The following ATP1A4 variants were observed in gnomAD, a reference collection of about 807,000 sequenced individuals.
ATP1A4 encodes ATPase Na+/K+ transporting subunit alpha 4.
A neutral mutation model predicts 114.3 loss-of-function variants in ATP1A4; 90 were observed. The ratio of observed to expected loss-of-function variants is 0.79; its 90% CI spans 0.66 to 0.94. The LOEUF (loss-of-function observed/expected upper bound fraction) is 0.94. Ranked by LOEUF, ATP1A4 falls within the 40% of genes least tolerant of loss-of-function variation. The probability of loss-of-function intolerance (pLI) is 0.00; values close to 1 mark genes in which losing one functional copy is unlikely to be tolerated. For synonymous variants in ATP1A4, 511 were observed against 494.1 expected (o/e 1.03, Z -0.45); for missense variants, 1,222 against 1,313.6 (o/e 0.93, Z 1.08).
At chr1:160,180,169 C>G (rs1466274677) in intron 18 of ATP1A4, among the ~76,000 whole-genome samples, 1 of 152,122 alleles carries the variant, frequency 6.6e-6, no homozygotes, top group Non-Finnish European at 1.5e-5. Context: ...TAGGGAGTGA[C>G]GCGGGTAACG....
chr1:160,178,570 G>A (rs112994245), intron 18 of ATP1A4, among the ~76,000 whole-genome samples: 8,577 of 152,018 alleles, frequency 0.056, 304 homozygotes, highest in South Asian at 0.14. Flanking sequence ...AGCTACTCAG[G>A]AGGCTGAGGC....
intron 21 of ATP1A4, 128 bp from the exon 22 acceptor site, chr1:160,186,543 C>A (rs2101664564): frequency 8.5e-7 from 1 of 1,178,406 alleles, no homozygotes; most frequent in Non-Finnish European, 1.2e-6. Context: ...TCTGCTCCAT[C>A]TGACCCTCAG....
chr1:160,168,137 G>C (rs1653108584), intron 10 of ATP1A4, among the ~76,000 whole-genome samples: 1 of 152,194 alleles, frequency 6.6e-6, no homozygotes, highest in African/African-American at 2.4e-5. Context: ...ACAGGAAAGA[G>C]TCTTTCTCTC....
At chr1:160,185,347 G>A (rs960117547) in intron 20 of ATP1A4, among the ~76,000 whole-genome samples, 2 of 151,804 alleles carry the variant, frequency 1.3e-5, no homozygotes, top group African/African-American at 2.4e-5. Flanking sequence ...TCCTGACCTC[G>A]TGATCCATCT....
chr1:160,185,660 C>G (rs965752123), intron 20 of ATP1A4, among the ~76,000 whole-genome samples: 1 of 151,822 alleles, frequency 6.6e-6, no homozygotes, highest in Admixed American at 6.6e-5. Flanking sequence ...GTGGCTCACA[C>G]TTATAATCCC....
At position 160,174,113 on chromosome 1, in the gene ATP1A4, C is replaced by T; in HGVS notation, c.1994C>T (p.Ala665Val). 1 of 1,613,244 alleles carries T rather than the reference C, an allele frequency of 6.2e-7. No homozygotes were observed. The highest frequency in any genetic ancestry group is 8.5e-7 in the Non-Finnish European group (1 of 1,179,670). ...CTTTTGAAATTATTTTCCCTCAGTG[C>T]TGCCAAAGCCATTGTGGTGCATGGT... ...KIPISKVDASAAKAIVVHGAE... is the reference protein window; with the variant it reads ...KIPISKVDASVAKAIVVHGAE... Residue 665 changes from alanine to valine, a missense_variant and splice_region_variant, in exon 14 of 22, where the codon GCT (alanine) becomes GTT (valine). Ala to Val is a moderately conservative substitution (Grantham distance 64). Coordinates refer to ENST00000368081, the MANE Select transcript of ATP1A4 (RefSeq NM_144699.4).
intron 6 of ATP1A4, among the ~76,000 whole-genome samples, chr1:160,163,169 C>G (rs1282771317): frequency 2.0e-5 from 3 of 151,630 alleles, no homozygotes; most frequent in African/African-American, 4.9e-5. Context: ...AAACAAGAAA[C>G]AGCTTTTTTT....
chr1:160,167,445 T>G (rs558629178), intron 10 of ATP1A4, 33 bp downstream of exon 10: 4 of 1,607,908 alleles, frequency 2.5e-6, no homozygotes, highest in East Asian at 4.5e-5. Context: ...AGAATGGTGG[T>G]GGGGGGATGG....
In ATP1A4 at chr1:160,159,050, G is replaced by C; in HGVS notation, c.574G>C (p.Glu192Gln). 6.2e-7 allele frequency: 1 copy of C among 1,614,120 alleles called. No individual in the cohort carries two copies. Among genetic ancestry groups the C allele is most frequent in the Non-Finnish European group, 8.5e-7 (1 of 1,179,986 alleles). Residue 192 changes from glutamate (E) to glutamine (Q), a missense_variant, in exon 5 of 22, where the codon GAG becomes CAG. Glu to Gln is a conservative substitution (Grantham distance 29). Coordinates refer to ENST00000368081, the MANE Select transcript of ATP1A4 (RefSeq NM_144699.4). ...GGEKMQINVQ[E>Q]VVLGDLVEIK... ...AGAGAAGATGCAAATTAATGTACAA[G>C]AGGTGGTGTTGGGAGACCTGGTGGA...
intron 20 of ATP1A4, among the ~76,000 whole-genome samples, 190 bp from the exon 21 acceptor site, chr1:160,186,086 C>CAAAAAAAAAAAGA: frequency 3.0e-5 from 1 of 32,790 alleles, no homozygotes; most frequent in Non-Finnish European, 5.1e-5. Flanking sequence ...GACTCTGTCG[C>CAAAAAAAAAAAGA]AAAAAAAAAA....
intron 17 of ATP1A4, chr1:160,177,265 A>G (rs1653502249): frequency 4.7e-6 from 2 of 424,822 alleles, no homozygotes; most frequent in Non-Finnish European, 8.3e-6. Flanking sequence ...AGTCCTTTTT[A>G]GTTTTAAGAC....
intron 10 of ATP1A4, 22 bp from the exon 11 acceptor site, chr1:160,171,229 G>A: frequency 3.1e-6 from 5 of 1,601,888 alleles, no homozygotes; most frequent in Non-Finnish European, 4.3e-6. Context: ...TGTCCCATCA[G>A]TGCTCCCTTT....
At chr1:160,165,142 TTGA>T (rs1652983850) in intron 7 of ATP1A4, among the ~76,000 whole-genome samples, 1 of 152,336 alleles carries the variant, frequency 6.6e-6, no homozygotes, top group African/African-American at 2.4e-5. Flanking sequence ...GCCACCTGTC[TTGA>T]TGATCACCTG....
intron 6 of ATP1A4, among the ~76,000 whole-genome samples, chr1:160,163,132 G>A (rs1031059384): frequency 6.6e-6 from 1 of 152,042 alleles, no homozygotes; most frequent in Admixed American, 6.5e-5. Flanking sequence ...GACTCGGCAT[G>A]TCTTGGGTGA....
intron 18 of ATP1A4, among the ~76,000 whole-genome samples, chr1:160,179,533 CTA>C (rs1432741572): frequency 1.3e-5 from 2 of 152,220 alleles, no homozygotes; most frequent in East Asian, 3.8e-4. Flanking sequence ...CGTGTCTCTT[CTA>C]TGACTGTAAT....
At chr1:160,159,387 C>T (rs550507465) in intron 5 of ATP1A4, 22 bp from the exon 6 acceptor site, 176 of 1,584,470 alleles carry the variant, frequency 1.1e-4, no homozygotes, top group South Asian at 9.2e-4. Context: ...CACCTTACAA[C>T]GCGTCCCCTC....
chr1:160,159,804 A>G (rs895524095), intron 6 of ATP1A4, among the ~76,000 whole-genome samples: 1 of 152,224 alleles, frequency 6.6e-6, no homozygotes, highest in Non-Finnish European at 1.5e-5. Flanking sequence ...TAAGTGACCT[A>G]CAATTATTAG....
chr1:160,158,509 T>C (rs1003472145), intron 4 of ATP1A4, among the ~76,000 whole-genome samples: 2 of 152,212 alleles, frequency 1.3e-5, no homozygotes, highest in African/African-American at 2.4e-5. Context: ...CCCAAACAGC[T>C]GGGACTACAG....
At position 160,174,416 on chromosome 1, in the gene ATP1A4, C is replaced by T. The variant is rs1041008992; in HGVS notation, c.2142+155C>T. ...ATGGTGGCCTTCAGTTTGGGGCTCC[C>T]TGAAAGTTTAAATATCTCAGGAGGA... On this transcript the variant is annotated intron_variant, in intron 14 of 21. Transcript: ENST00000368081. 3.9e-5 allele frequency among the ~76,000 whole-genome samples: 6 copies of T among 152,120 alleles called. No individual in the cohort carries two copies. In the South Asian group the frequency reaches 6.2e-4, roughly 16 times the overall value.
Sources: gnomAD v4.1 joint callset for allele counts (sites outside exome capture counted in the v4.1 genomes callset) on GRCh38, gnomAD v4.1.1 for gene constraint, MANE v1.5 for transcripts, NCBI Gene and HGNC (gene_info 2026-07-23, HGNC 2026-07-21) for gene names.